The following ADAMTSL1 variants were observed in gnomAD, a reference collection of about 807,000 sequenced individuals.
ADAMTSL1 encodes ADAMTS like 1, also known as ADAMTS-like protein 1.
ADAMTSL1 carries 126 observed loss-of-function variants against 201.8 expected under a neutral mutation model. The ratio of observed to expected loss-of-function variants is 0.62; its 90% CI spans 0.54 to 0.72. The LOEUF (loss-of-function observed/expected upper bound fraction) is 0.72. Ranked by LOEUF, ADAMTSL1 falls within the 30% of genes least tolerant of loss-of-function variation. The pLI is 0.00. For missense variants in ADAMTSL1, 2,679 were observed against 2,277.8 expected, an observed-to-expected ratio of 1.18 and a Z score of -3.59; for synonymous variants, 1,121 against 903.4, an observed-to-expected ratio of 1.24 and a Z score of -4.32.
At chr9:18,086,668 T>G (rs1823783964) in intron 1 of ADAMTSL1, among the ~76,000 whole-genome samples, 1 of 152,194 alleles carries the variant, frequency 6.6e-6, no homozygotes, top group Non-Finnish European at 1.5e-5. Flanking sequence ...GGTAACTGGG[T>G]TGCTTTGGCT....
chr9:18,187,663 A>T (rs1011520168), intron 2 of ADAMTSL1, among the ~76,000 whole-genome samples: 3 of 152,086 alleles, frequency 2.0e-5, no homozygotes, highest in Admixed American at 6.6e-5. Flanking sequence ...ATATATTTGG[A>T]CTTTCTTCCC....
intron 1 of ADAMTSL1, among the ~76,000 whole-genome samples, chr9:17,960,555 A>G (rs762042421): frequency 6.6e-6 from 1 of 152,196 alleles, no homozygotes; most frequent in Non-Finnish European, 1.5e-5. Flanking sequence ...GTTTCTAGTC[A>G]TCATTCATTG....
chr9:17,947,099 G>A (rs1827520348), intron 1 of ADAMTSL1, among the ~76,000 whole-genome samples: 1 of 151,678 alleles, frequency 6.6e-6, no homozygotes, highest in Non-Finnish European at 1.5e-5. Flanking sequence ...GTTGTTTCTA[G>A]TTGCTTTAAC....
intron 1 of ADAMTSL1, among the ~76,000 whole-genome samples, chr9:18,110,718 A>T (rs991884888): frequency 1.3e-5 from 2 of 152,140 alleles, no homozygotes; most frequent in Non-Finnish European, 2.9e-5. Flanking sequence ...TATGCCTGCT[A>T]GGAAAAGGGA....
At chr9:18,447,007 A>C (rs954896936) in intron 2 of ADAMTSL1, among the ~76,000 whole-genome samples, 1 of 151,240 alleles carries the variant, frequency 6.6e-6, no homozygotes, top group African/African-American at 2.5e-5. Context: ...TTGTGCTGGA[A>C]GGGGAGGTGA....
intron 13 of ADAMTSL1, among the ~76,000 whole-genome samples, chr9:18,688,304 A>C (rs140111203): frequency 6.6e-6 from 1 of 151,640 alleles, no homozygotes; most frequent in East Asian, 2.0e-4. Context: ...TTGTATTTTT[A>C]GTAAATAAGA....
At chr9:17,970,257 A>G (rs769184075) in intron 1 of ADAMTSL1, among the ~76,000 whole-genome samples, 3 of 152,032 alleles carry the variant, frequency 2.0e-5, no homozygotes, top group Non-Finnish European at 4.4e-5. Context: ...GCAAGGACCC[A>G]TTGTATCTTT....
At chr9:18,859,572 T>C (rs1827078280) in intron 23 of ADAMTSL1, among the ~76,000 whole-genome samples, 1 of 152,202 alleles carries the variant, frequency 6.6e-6, no homozygotes, top group Admixed American at 6.5e-5. Context: ...TAATATATAC[T>C]ATCATGCATT....
intron 2 of ADAMTSL1, among the ~76,000 whole-genome samples, chr9:18,247,299 ATGAG>A (rs1389297129): frequency 6.6e-6 from 1 of 152,192 alleles, no homozygotes; most frequent in Admixed American, 6.5e-5. Context: ...GGGTGCCCTA[ATGAG>A]TAACAAGATA....
chr9:18,058,210 A>G (rs926533449), intron 1 of ADAMTSL1, among the ~76,000 whole-genome samples: 1 of 152,228 alleles, frequency 6.6e-6, no homozygotes, highest in Non-Finnish European at 1.5e-5. Context: ...TTTTTACACA[A>G]TAAGGAATCT....
chr9:18,176,970 G>A (rs1392311984), intron 2 of ADAMTSL1, among the ~76,000 whole-genome samples: 1 of 152,192 alleles, frequency 6.6e-6, no homozygotes. Flanking sequence ...GATGAGCACA[G>A]AAAATTTCAG....
At chr9:18,294,204 C>T (rs913710196) in intron 2 of ADAMTSL1, among the ~76,000 whole-genome samples, 2 of 152,172 alleles carry the variant, frequency 1.3e-5, no homozygotes, top group Non-Finnish European at 2.9e-5. Flanking sequence ...GAGTGGTTTT[C>T]TTAAAGTTCA....
chr9:18,171,591 A>G (rs1196761903), intron 2 of ADAMTSL1, among the ~76,000 whole-genome samples: 1 of 152,136 alleles, frequency 6.6e-6, no homozygotes, highest in African/African-American at 2.4e-5. Flanking sequence ...CCTTTGTCAG[A>G]TGGACAGATT....
chr9:18,199,730 T>A (rs140481169), intron 2 of ADAMTSL1, among the ~76,000 whole-genome samples: 2 of 152,194 alleles, frequency 1.3e-5, no homozygotes, highest in East Asian at 3.9e-4. Flanking sequence ...TTTTAGCACA[T>A]AGAGATATAT....
At chr9:18,484,687 A>T (rs1009123217) in intron 1 of ADAMTSL1, among the ~76,000 whole-genome samples, 1 of 152,160 alleles carries the variant, frequency 6.6e-6, no homozygotes, top group Non-Finnish European at 1.5e-5. Context: ...AAGGTTTGCT[A>T]ACTTCAGTTT....
At chr9:18,707,694 T>G (rs1564167974) in intron 14 of ADAMTSL1, among the ~76,000 whole-genome samples, 2 of 152,248 alleles carry the variant, frequency 1.3e-5, no homozygotes, top group Non-Finnish European at 2.9e-5. Context: ...GCCTGGAGCC[T>G]TTCCATCATA....
At chr9:18,131,858 C>G (rs924809324) in intron 1 of ADAMTSL1, among the ~76,000 whole-genome samples, 4 of 152,000 alleles carry the variant, frequency 2.6e-5, no homozygotes, top group Admixed American at 2.6e-4. Context: ...GTTTCTTCAT[C>G]TATTTAAAAA....
intron 1 of ADAMTSL1, among the ~76,000 whole-genome samples, chr9:18,480,035 G>C (rs542228664): frequency 6.6e-6 from 1 of 152,134 alleles, no homozygotes. Context: ...GAATCATTTT[G>C]GATGTTTCAT....
intron 1 of ADAMTSL1, among the ~76,000 whole-genome samples, chr9:18,066,433 TA>T (rs1315884840): frequency 6.6e-6 from 1 of 152,252 alleles, no homozygotes; most frequent in Non-Finnish European, 1.5e-5. Context: ...TAAAAGTATC[TA>T]AAATATTCTT....
Sources: gnomAD v4.1 joint callset for allele counts (sites outside exome capture counted in the v4.1 genomes callset) on GRCh38, gnomAD v4.1.1 for gene constraint, MANE v1.5 for transcripts, NCBI Gene and HGNC (gene_info 2026-07-23, HGNC 2026-07-21) for gene names.